Variants in SRD5A2 observed in about 807,000 individuals in gnomAD.
The protein encoded by SRD5A2 is steroid 5 alpha-reductase 2.
SRD5A2 carries 30 observed loss-of-function variants against 27.4 expected under a neutral mutation model. That is an observed-to-expected ratio of 1.10 (90% CI 0.82 to 1.49). The LOEUF (loss-of-function observed/expected upper bound fraction) is 1.49. Among genes scored for constraint, SRD5A2 ranks in the 40% most tolerant of loss-of-function variants. The probability of loss-of-function intolerance (pLI) is 0.00; values close to 1 mark genes in which losing one functional copy is unlikely to be tolerated. For missense variants in SRD5A2, 348 were observed against 323.4 expected (o/e 1.08, Z -0.58); for synonymous variants, 141 against 133.6 (o/e 1.06, Z -0.38).
intron 1 of SRD5A2, among the ~76,000 whole-genome samples, chr2:31,537,165 T>G (rs1666044498): frequency 6.6e-6 from 1 of 152,242 alleles, no homozygotes; most frequent in Non-Finnish European, 1.5e-5. Context: ...ATATGAAATT[T>G]TAGACTCATT....
chr2:31,634,549 A>G, the SRD5A2 span, among the ~76,000 whole-genome samples: 2 of 152,266 alleles, frequency 1.3e-5, no homozygotes, highest in South Asian at 4.2e-4. Flanking sequence ...AATACTCAGA[A>G]TAATATTTAT....
At chr2:31,637,751 C>T in the SRD5A2 span, among the ~76,000 whole-genome samples, 1 of 152,052 alleles carries the variant, frequency 6.6e-6, no homozygotes, top group Admixed American at 6.6e-5. Flanking sequence ...CCCTCCCAAG[C>T]TGAGCCCCAG....
At chr2:31,560,746 T>C (rs962338202) in intron 1 of SRD5A2, among the ~76,000 whole-genome samples, 3 of 152,280 alleles carry the variant, frequency 2.0e-5, no homozygotes, top group African/African-American at 4.8e-5. Flanking sequence ...TTCATACCCT[T>C]GCCCTCTGAG....
rs28383005 is a variant in SRD5A2 at position 31,566,925 on chromosome 2, A to C, written c.281+13695T>G. Among the ~76,000 whole-genome samples, 180 of 152,352 alleles carry C rather than the reference A, an allele frequency of 1.2e-3. 1 individual carries two copies. In the East Asian group the frequency reaches 0.033, roughly 28 times the overall value. On this transcript the variant is annotated intron_variant, in intron 1 of 4. Coordinates refer to ENST00000622030, the MANE Select transcript of SRD5A2 (RefSeq NM_000348.4). ...TTATCAGCTATTTACATCACTTTAT[A>C]TTCCAATCATGGTCAATTTTCATTT...
At chr2:31,601,140 G>A in the SRD5A2 span, among the ~76,000 whole-genome samples, 1 of 151,730 alleles carries the variant, frequency 6.6e-6, no homozygotes, top group African/African-American at 2.4e-5. Flanking sequence ...CTAGAAGCTG[G>A]CTTTTTGAAA....
At chr2:31,611,157 C>T in the SRD5A2 span, among the ~76,000 whole-genome samples, 1 of 151,988 alleles carries the variant, frequency 6.6e-6, no homozygotes, top group Non-Finnish European at 1.5e-5. Flanking sequence ...TCAGAATCAA[C>T]TTCTAGACAT....
At chr2:31,595,082 G>C in the SRD5A2 span, among the ~76,000 whole-genome samples, 2 of 152,106 alleles carry the variant, frequency 1.3e-5, no homozygotes, top group East Asian at 3.9e-4. Context: ...AAAGTTCATA[G>C]CATTAAATGC....
the SRD5A2 span, among the ~76,000 whole-genome samples, chr2:31,613,043 AG>A: frequency 6.6e-6 from 1 of 152,182 alleles, no homozygotes; most frequent in Non-Finnish European, 1.5e-5. Flanking sequence ...CTGAAACATA[AG>A]GCTTAAAACT....
the SRD5A2 span, among the ~76,000 whole-genome samples, chr2:31,624,349 CTTTT>C: frequency 6.6e-6 from 1 of 151,918 alleles, no homozygotes; most frequent in Admixed American, 6.6e-5. Flanking sequence ...TTTTTAACTT[CTTTT>C]TTTAATTAAT....
Position 31,535,002 on chromosome 2 carries a change from T to A in SRD5A2, c.282-1236A>T, listed in dbSNP as rs982531158. On this transcript the variant is annotated intron_variant, in intron 1 of 4. Transcript: ENST00000622030. ...TGACTGGCAAAAGTATGCAGACAGG[T>A]GTTGCATTATGTGTGAGTCAATTTT... Among the ~76,000 whole-genome samples the A allele has an allele frequency of 2.6e-5, 4 of 151,724 alleles. No individual in the cohort carries two copies. In the South Asian group the frequency reaches 6.3e-4, roughly 24 times the overall value.
chr2:31,601,809 A>C, the SRD5A2 span, among the ~76,000 whole-genome samples: 2 of 151,798 alleles, frequency 1.3e-5, no homozygotes, highest in African/African-American at 4.8e-5. Context: ...AAGACAAAAA[A>C]CACAATTATT....
At chr2:31,594,743 T>C in the SRD5A2 span, among the ~76,000 whole-genome samples, 1 of 152,124 alleles carries the variant, frequency 6.6e-6, no homozygotes, top group Non-Finnish European at 1.5e-5. Context: ...ACCCAACCAA[T>C]GCAGAATATA....
At chr2:31,606,866 C>G in the SRD5A2 span, among the ~76,000 whole-genome samples, 1 of 151,858 alleles carries the variant, frequency 6.6e-6, no homozygotes, top group Non-Finnish European at 1.5e-5. Context: ...TCTAACAGTT[C>G]TGGAGGCTAG....
chr2:31,549,167 C>G (rs1433351764), intron 1 of SRD5A2, among the ~76,000 whole-genome samples: 3 of 150,404 alleles, frequency 2.0e-5, no homozygotes, highest in African/African-American at 7.3e-5. Flanking sequence ...GGCTGGGGTG[C>G]AGTGGCACAA....
chr2:31,593,458 G>A, the SRD5A2 span, among the ~76,000 whole-genome samples: 2 of 152,056 alleles, frequency 1.3e-5, no homozygotes, highest in Non-Finnish European at 2.9e-5. Flanking sequence ...CGAAGACAAG[G>A]CTTTTGAATT....
At chr2:31,562,882 T>A (rs1158301919) in intron 1 of SRD5A2, among the ~76,000 whole-genome samples, 3 of 152,084 alleles carry the variant, frequency 2.0e-5, no homozygotes, top group Non-Finnish European at 4.4e-5. Flanking sequence ...AAGGCAACAT[T>A]CAAAGATTGA....
chr2:31,528,657 T>G (rs28383072), intron 4 of SRD5A2, among the ~76,000 whole-genome samples: 1 of 151,908 alleles, frequency 6.6e-6, no homozygotes, highest in Non-Finnish European at 1.5e-5. Flanking sequence ...TCTCAGCCAT[T>G]TGGAAGGCTG....
the SRD5A2 span, among the ~76,000 whole-genome samples, chr2:31,618,317 C>G: frequency 3.9e-5 from 6 of 152,112 alleles, no homozygotes; most frequent in Non-Finnish European, 8.8e-5. Flanking sequence ...GGTGGGAACA[C>G]AGCCAAACCA....
At chr2:31,637,870 C>G in the SRD5A2 span, among the ~76,000 whole-genome samples, 62 of 152,014 alleles carry the variant, frequency 4.1e-4, no homozygotes, top group African/African-American at 1.4e-3. Context: ...TTAATTTTAT[C>G]TTTTAAAAAT....
Sources: gnomAD v4.1 joint callset for allele counts (sites outside exome capture counted in the v4.1 genomes callset) on GRCh38, gnomAD v4.1.1 for gene constraint, MANE v1.5 for transcripts, NCBI Gene and HGNC (gene_info 2026-07-23, HGNC 2026-07-21) for gene names.